The following CXCL17 variants were observed in gnomAD, a reference collection of about 807,000 sequenced individuals.
The protein encoded by CXCL17 is C-X-C motif chemokine ligand 17.
A neutral mutation model predicts 15.5 loss-of-function variants in CXCL17; 9 were observed. That is an observed-to-expected ratio of 0.58 (90% CI 0.35 to 1.01). The LOEUF (loss-of-function observed/expected upper bound fraction) is 1.01. Among genes scored for constraint, CXCL17 ranks in the 50% least tolerant of loss-of-function variants. The pLI is 0.02. For missense variants in CXCL17, 133 were observed against 138.2 expected (o/e 0.96, Z 0.19); for synonymous variants, 52 against 52.3 (o/e 0.99, Z 0.02).
intron 1 of CXCL17, among the ~76,000 whole-genome samples, chr19:42,437,396 C>A (rs1365684077): frequency 1.3e-5 from 2 of 152,154 alleles, no homozygotes; most frequent in Non-Finnish European, 2.9e-5. Context: ...TATTTACTTT[C>A]CACCTAAAAT....
At chr19:42,433,120 T>C (rs1479047121) in intron 2 of CXCL17, 43 bp from the exon 3 acceptor site, 2 of 1,396,192 alleles carry the variant, frequency 1.4e-6, no homozygotes, top group Non-Finnish European at 2.0e-6. Context: ...AGTTAATACA[T>C]TTGATAGGAG....
At chr19:42,438,925 C>T (rs894139140) in intron 1 of CXCL17, among the ~76,000 whole-genome samples, 3 of 151,922 alleles carry the variant, frequency 2.0e-5, no homozygotes, top group Non-Finnish European at 4.4e-5. Context: ...CTCATGAGTC[C>T]ATGCTGATAT....
chr19:42,432,898 C>T, intron 3 of CXCL17, 78 bp downstream of exon 3: 1 of 1,064,132 alleles, frequency 9.4e-7, no homozygotes, highest in African/African-American at 1.6e-5. Context: ...CCTCTTTTTT[C>T]TATTCTCAAC....
At position 42,433,092 on chromosome 19, in the gene CXCL17, T is replaced by G. The variant is rs1388638909; in HGVS notation, c.161-15A>C. The G allele has an allele frequency of 1.3e-5, 20 of 1,580,996 alleles. No individual in the cohort carries two copies. Among genetic ancestry groups the G allele is most frequent in the Non-Finnish European group, 1.7e-5 (19 of 1,150,870 alleles). On this transcript the variant is annotated splice_polypyrimidine_tract_variant and intron_variant, in intron 2 of 3. Coordinates refer to ENST00000601181, the MANE Select transcript of CXCL17 (RefSeq NM_198477.3). ...CAGGAACCAATCTGGAACAACAGCA[T>G]TGCTGCTTAGATGGGAGAGTTAATA...
At chr19:42,434,280 G>A (rs1377676306) in intron 1 of CXCL17, among the ~76,000 whole-genome samples, 1 of 152,210 alleles carries the variant, frequency 6.6e-6, no homozygotes, top group African/African-American at 2.4e-5. Flanking sequence ...AGATGGAAGA[G>A]ATGATAAAAG....
Position 42,437,191 on chromosome 19 carries a change from C to T in CXCL17, c.80-3335G>A, listed in dbSNP as rs1358874622. Among the ~76,000 whole-genome samples, 4 of 152,172 alleles carry T rather than the reference C, an allele frequency of 2.6e-5. No individual in the cohort carries two copies. In the East Asian group the frequency reaches 7.7e-4, roughly 29 times the overall value. ...ACCTCAAGTGATCCGCTCCCCTCGGCCTCCCAAAGCGTTGGGATTATAGGC... is the reference window on the plus strand; with the variant it reads ...ACCTCAAGTGATCCGCTCCCCTCGGTCTCCCAAAGCGTTGGGATTATAGGC... On this transcript the variant is annotated intron_variant, in intron 1 of 3. Transcript: ENST00000601181.
intron 1 of CXCL17, among the ~76,000 whole-genome samples, chr19:42,434,849 C>T (rs545073116): frequency 1.4e-4 from 22 of 152,090 alleles, no homozygotes; most frequent in African/African-American, 4.3e-4. Context: ...TTTTATTTTC[C>T]GATTCTATCT....
In CXCL17 at chr19:42,442,781, A is replaced by G; in HGVS notation, c.52T>C (p.Ser18Pro). 1 of 1,613,278 alleles carries G rather than the reference A, an allele frequency of 6.2e-7. No individual in the cohort carries two copies. Among genetic ancestry groups the G allele is most frequent in the Non-Finnish European group, 8.5e-7 (1 of 1,179,688 alleles). ...LLLLLPLMLM[S>P]MVSSSLNPGV... ...GGATTCAGGCTGCTAGAGACCATGGACATCAGCATTAGTGGCAGCAACAGG... is the reference window on the plus strand; with the variant it reads ...GGATTCAGGCTGCTAGAGACCATGGGCATCAGCATTAGTGGCAGCAACAGG... The change falls in exon 1 of 4, where the codon TCC becomes CCC. Residue 18 changes from serine to proline, a missense_variant. Transcript: ENST00000601181.
intron 1 of CXCL17, among the ~76,000 whole-genome samples, chr19:42,438,935 T>C (rs1438082442): frequency 2.0e-5 from 3 of 152,064 alleles, no homozygotes. Context: ...CATGCTGATA[T>C]AAATAAATAA....
At chr19:42,438,416 C>T (rs575079157) in intron 1 of CXCL17, among the ~76,000 whole-genome samples, 29 of 122,358 alleles carry the variant, frequency 2.4e-4, no homozygotes, top group African/African-American at 8.6e-4. Context: ...AAAATACACA[C>T]ACACACACAC....
chr19:42,435,435 G>A (rs1010236623), intron 1 of CXCL17, among the ~76,000 whole-genome samples: 3 of 152,120 alleles, frequency 2.0e-5, no homozygotes, highest in African/African-American at 7.2e-5. Context: ...ATAACCCCCA[G>A]TACCTCAGAA....
intron 3 of CXCL17, among the ~76,000 whole-genome samples, chr19:42,430,250 C>T (rs1301792381): frequency 2.0e-5 from 3 of 152,176 alleles, no homozygotes; most frequent in East Asian, 3.9e-4. Flanking sequence ...ACATGCAATT[C>T]AATAAATAGT....
intron 1 of CXCL17, among the ~76,000 whole-genome samples, chr19:42,436,177 G>A (rs919916543): frequency 2.6e-5 from 4 of 152,110 alleles, no homozygotes; most frequent in African/African-American, 9.7e-5. Flanking sequence ...ACACGTGGAT[G>A]GATAAGTTGT....
rs114225824 is a variant in CXCL17 at position 42,442,779 on chromosome 19, G to A, written c.54C>T (p.Ser18=). The part of the protein sequence containing the change: ...LLLLLPLMLM[S]MVSSSLNPGV... ...CTGGATTCAGGCTGCTAGAGACCAT[G>A]GACATCAGCATTAGTGGCAGCAACA... The change falls in exon 1 of 4, where the codon TCC becomes TCT. Residue 18 remains serine, a synonymous_variant. Transcript: ENST00000601181. 3,102 of 1,612,948 alleles carry A rather than the reference G, an allele frequency of 1.9e-3. 56 individuals are homozygous for A. The African/African-American group carries it at 0.036, about 18-fold the overall frequency.
intron 1 of CXCL17, among the ~76,000 whole-genome samples, chr19:42,442,460 C>T (rs1368383266): frequency 6.6e-6 from 1 of 152,078 alleles, no homozygotes. Flanking sequence ...GTCTCGATCT[C>T]CTGACCTTGT....
intron 1 of CXCL17, among the ~76,000 whole-genome samples, chr19:42,437,445 A>C (rs1203025439): frequency 6.6e-6 from 1 of 152,232 alleles, no homozygotes; most frequent in Admixed American, 6.5e-5. Context: ...ATAAGCATGC[A>C]CTTTATATCC....
intron 3 of CXCL17, among the ~76,000 whole-genome samples, chr19:42,432,347 G>C (rs968788750): frequency 6.6e-6 from 1 of 151,954 alleles, no homozygotes; most frequent in African/African-American, 2.4e-5. Flanking sequence ...GTTTCACCAT[G>C]TTGGCCAGGC....
intron 3 of CXCL17, among the ~76,000 whole-genome samples, chr19:42,431,903 A>G (rs1258978438): frequency 6.6e-6 from 1 of 151,744 alleles, no homozygotes; most frequent in East Asian, 1.9e-4. Flanking sequence ...AATTTCCCCC[A>G]TTTATTTGTC....
intron 3 of CXCL17, among the ~76,000 whole-genome samples, chr19:42,432,036 A>G (rs933626155): frequency 1.3e-5 from 2 of 152,016 alleles, no homozygotes; most frequent in African/African-American, 4.8e-5. Context: ...TACAATTTTG[A>G]TACAGCCAAA....
Sources: allele counts gnomAD v4.1 joint callset (sites outside exome capture counted in the v4.1 genomes callset), GRCh38; gene constraint gnomAD v4.1.1; transcripts MANE v1.5; gene names NCBI Gene and HGNC (gene_info 2026-07-23, HGNC 2026-07-21).